Variants in PPP2R3A observed in about 807,000 individuals in gnomAD.
PPP2R3A encodes the protein protein phosphatase 2 regulatory subunit B''alpha, also known as serine/threonine-protein phosphatase 2A regulatory subunit B'' subunit alpha.
PPP2R3A carries 80 observed loss-of-function variants against 106.9 expected under a neutral mutation model. The observed-to-expected ratio is 0.75, with a 90% confidence interval of 0.62 to 0.90. The LOEUF (loss-of-function observed/expected upper bound fraction) is 0.90. Among genes scored for constraint, PPP2R3A ranks in the 40% least tolerant of loss-of-function variants. PPP2R3A has a pLI of 0.00. For synonymous variants in PPP2R3A, 483 were observed against 468.3 expected (o/e 1.03, Z -0.41); for missense variants, 1,386 against 1,350.4 (o/e 1.03, Z -0.41).
intron 13 of PPP2R3A, among the ~76,000 whole-genome samples, chr3:136,114,790 T>C (rs1937677623): frequency 6.6e-6 from 1 of 152,194 alleles, no homozygotes. Context: ...AGTCAGGGAC[T>C]TAGAGATGAA....
chr3:136,016,399 A>G (rs1039253839), intron 2 of PPP2R3A, among the ~76,000 whole-genome samples: 1 of 152,134 alleles, frequency 6.6e-6, no homozygotes, highest in Non-Finnish European at 1.5e-5. Flanking sequence ...TGACCTGTCT[A>G]GTGCATTCAG....
intron 5 of PPP2R3A, among the ~76,000 whole-genome samples, chr3:136,058,151 CA>C (rs374137736): frequency 9.9e-5 from 15 of 152,148 alleles, no homozygotes; most frequent in African/African-American, 3.6e-4. Context: ...ACTGAATGAT[CA>C]ACTACAATGG....
intron 13 of PPP2R3A, among the ~76,000 whole-genome samples, chr3:136,108,957 GTA>G (rs1937557159): frequency 6.6e-6 from 1 of 152,046 alleles, no homozygotes; most frequent in Non-Finnish European, 1.5e-5. Context: ...TCTTTAAAAA[GTA>G]CATAATCATA....
At chr3:135,972,179 A>G (rs1937268778) in intron 1 of PPP2R3A, among the ~76,000 whole-genome samples, 1 of 152,110 alleles carries the variant, frequency 6.6e-6, no homozygotes, top group South Asian at 2.1e-4. Context: ...TTCTGTCTAT[A>G]TGGATTTGCC....
In PPP2R3A at chr3:136,006,586, C is replaced by T. The variant is rs567997159; in HGVS notation, c.1995+3093C>T. 3.3e-5 allele frequency among the ~76,000 whole-genome samples: 5 copies of T among 152,280 alleles called. No homozygotes were observed. In the East Asian group the frequency reaches 9.6e-4, roughly 29 times the overall value. On this transcript the variant is annotated intron_variant, in intron 2 of 13. Coordinates refer to ENST00000264977, the MANE Select transcript of PPP2R3A (RefSeq NM_002718.5). ...TTCTTAGCTCCAAGACTTAGAAAAA[C>T]AGGCAGTGGGCCAGATTTGGTCCAT...
chr3:136,141,478 A>C (rs1318234951), intron 13 of PPP2R3A, among the ~76,000 whole-genome samples: 2 of 152,198 alleles, frequency 1.3e-5, no homozygotes, highest in Non-Finnish European at 2.9e-5. Context: ...TATAATCCCT[A>C]CCCCTTAGGT....
chr3:136,003,560 A>G, intron 2 of PPP2R3A, 67 bp downstream of exon 2: 1 of 1,435,866 alleles, frequency 7.0e-7, no homozygotes, highest in East Asian at 2.3e-5. Context: ...AAATTTTATA[A>G]AGAAAAACTT....
chr3:136,131,752 G>C (rs940508431), intron 13 of PPP2R3A, among the ~76,000 whole-genome samples: 2 of 152,092 alleles, frequency 1.3e-5, no homozygotes, highest in African/African-American at 4.8e-5. Flanking sequence ...GCAAAGACTT[G>C]GAACCAACCC....
rs147589380 is a variant in PPP2R3A at position 136,087,870 on chromosome 3, T to TTA, written c.2789-13_2789-12insTA. 5.8e-3 allele frequency: 9,219 copies of TTA among 1,599,594 alleles called. 432 individuals carry two copies. In the African/African-American group the frequency reaches 0.11, roughly 19 times the overall value. ...CTAACTAGCTTTGCAATTTTTTTTT[T>TTA]ATCTACATTTAGCTTCATCAAGCAG... On this transcript the variant is annotated splice_polypyrimidine_tract_variant and intron_variant, in intron 8 of 13. Coordinates refer to ENST00000264977, the MANE Select transcript of PPP2R3A (RefSeq NM_002718.5).
At chr3:136,096,634 G>A (rs1344785187) in intron 10 of PPP2R3A, among the ~76,000 whole-genome samples, 1 of 152,212 alleles carries the variant, frequency 6.6e-6, no homozygotes, top group African/African-American at 2.4e-5. Flanking sequence ...GCTTTTCACA[G>A]TAGTAAATAA....
chr3:135,970,758 G>A (rs1937224722), intron 1 of PPP2R3A, among the ~76,000 whole-genome samples: 1 of 152,190 alleles, frequency 6.6e-6, no homozygotes, highest in Non-Finnish European at 1.5e-5. Context: ...GTAGGTGTTA[G>A]TCTGTTGGTT....
chr3:136,128,685 A>G (rs2108012891), intron 13 of PPP2R3A, among the ~76,000 whole-genome samples: 1 of 152,332 alleles, frequency 6.6e-6, no homozygotes, highest in African/African-American at 2.4e-5. Flanking sequence ...ACATCTACAG[A>G]ACTCTCCACC....
chr3:136,011,157 C>T (rs1934057573), intron 2 of PPP2R3A, among the ~76,000 whole-genome samples: 1 of 152,154 alleles, frequency 6.6e-6, no homozygotes, highest in African/African-American at 2.4e-5. Flanking sequence ...TTCACTGAGG[C>T]CTTTTTGCCC....
At chr3:136,040,993 G>T in intron 4 of PPP2R3A, 31 bp downstream of exon 4, 1 of 1,578,958 alleles carries the variant, frequency 6.3e-7, no homozygotes, top group South Asian at 1.1e-5. Flanking sequence ...TCTGGAGCTA[G>T]GCAAAGAATT....
intron 5 of PPP2R3A, 63 bp from the exon 6 acceptor site, chr3:136,070,415 A>G (rs1936390751): frequency 2.2e-6 from 3 of 1,393,726 alleles, no homozygotes; most frequent in Non-Finnish European, 2.9e-6. Flanking sequence ...CAGGAAGGAA[A>G]AACTTCCATA....
At position 136,003,572 on chromosome 3, in the gene PPP2R3A, T is replaced by A. The variant is rs1052802447; in HGVS notation, c.1995+79T>A. The A allele has an allele frequency of 3.7e-6, 5 of 1,353,394 alleles. No individual in the cohort carries two copies. The African/African-American group carries it at 7.4e-5, about 20-fold the overall frequency. 83.8% of individuals were successfully genotyped at this position (1,353,394 alleles called of 1,614,324 possible). Reference sequence around the variant, plus strand: ...TGAAAATTTTATAAAGAAAAACTTTTTTGTTAGCCATTTTTTGTTCTACTA... The same window carrying A: ...TGAAAATTTTATAAAGAAAAACTTTATTGTTAGCCATTTTTTGTTCTACTA... On this transcript the variant is annotated intron_variant, in intron 2 of 13. Coordinates refer to ENST00000264977, the MANE Select transcript of PPP2R3A (RefSeq NM_002718.5).
intron 5 of PPP2R3A, among the ~76,000 whole-genome samples, chr3:136,065,709 C>G (rs1347004015): frequency 6.6e-6 from 1 of 152,182 alleles, no homozygotes; most frequent in Admixed American, 6.5e-5. Context: ...GAGGATCTCG[C>G]TCTGTTTCCC....
rs531207154 is a variant in PPP2R3A at position 136,072,747 on chromosome 3, G to A, written c.2544+2195G>A. 1.2e-4 allele frequency among the ~76,000 whole-genome samples: 19 copies of A among 152,318 alleles called. 2 individuals carry two copies. The South Asian group carries it at 3.5e-3, about 28-fold the overall frequency. ...TCTTAGAAATAAACTAGTCCAAACTGTTGGAATTAAACTAGTCCAAACTGT... is the reference window on the plus strand; with the variant it reads ...TCTTAGAAATAAACTAGTCCAAACTATTGGAATTAAACTAGTCCAAACTGT... On this transcript the variant is annotated intron_variant, in intron 6 of 13. Coordinates refer to ENST00000264977, the MANE Select transcript of PPP2R3A (RefSeq NM_002718.5).
chr3:135,996,975 G>A (rs1305121676), intron 1 of PPP2R3A, among the ~76,000 whole-genome samples: 3 of 152,052 alleles, frequency 2.0e-5, no homozygotes, highest in Non-Finnish European at 4.4e-5. Flanking sequence ...GCCTCACTAG[G>A]AAAGGTATCC....
Sources: gnomAD v4.1 joint callset for allele counts (sites outside exome capture counted in the v4.1 genomes callset) on GRCh38, gnomAD v4.1.1 for gene constraint, MANE v1.5 for transcripts, NCBI Gene and HGNC (gene_info 2026-07-23, HGNC 2026-07-21) for gene names.